SARS1: variants seen among roughly 807,000 people sequenced by gnomAD.
SARS1 encodes serine--tRNA ligase, cytoplasmic.
A neutral mutation model predicts 63.7 loss-of-function variants in SARS1; 25 were observed. That is an observed-to-expected ratio of 0.39 (90% CI 0.29 to 0.55). SARS1 has a LOEUF of 0.55. Ranked by LOEUF, SARS1 falls within the 20% of genes least tolerant of loss-of-function variation. The probability of loss-of-function intolerance (pLI) is 0.62; values close to 1 mark genes in which losing one functional copy is unlikely to be tolerated. For synonymous variants in SARS1, 231 were observed against 243.5 expected (o/e 0.95, Z 0.48); for missense variants, 417 against 649.7 (o/e 0.64, Z 3.89).
intron 4 of SARS1, among the ~76,000 whole-genome samples, chr1:109,229,844 A>G (rs904919139): frequency 4.6e-5 from 7 of 152,194 alleles, no homozygotes; most frequent in Non-Finnish European, 8.8e-5. Flanking sequence ...GGTAGCAGGC[A>G]TCTCGTGGGA....
rs1424476676 is a variant in SARS1, at chr1:109,214,668, T to C, written c.136+540T>C. ...GGCCAAAATAAATGACCCTGAAGCTTTTCGGAAGGCCATCCCCCGACCTAT... is the reference window on the plus strand; with the variant it reads ...GGCCAAAATAAATGACCCTGAAGCTCTTCGGAAGGCCATCCCCCGACCTAT... On this transcript the variant is annotated intron_variant, in intron 1 of 10. Coordinates refer to ENST00000234677, the MANE Select transcript of SARS1 (RefSeq NM_006513.4). This position sits in a 1 kb window ranked among gnomAD's most constrained non-coding sequence, Gnocchi z 4.6. 1 of 985,452 alleles carries C rather than the reference T, an allele frequency of 1.0e-6. No individual in the cohort carries two copies. Among genetic ancestry groups the C allele is most frequent in the African/African-American group, 1.7e-5 (1 of 57,230 alleles). 61.0% of individuals were successfully genotyped at this position (985,452 alleles called of 1,614,324 possible). A position where few individuals can be genotyped will look rare whatever the true frequency, so the allele number is the denominator to read the frequency against.
At chr1:109,223,085 T>G (rs1250539800) in intron 1 of SARS1, among the ~76,000 whole-genome samples, 1 of 152,220 alleles carries the variant, frequency 6.6e-6, no homozygotes, top group Non-Finnish European at 1.5e-5. Context: ...GGTCCAAATT[T>G]TGCTAATCAG....
intron 1 of SARS1, chr1:109,216,839 C>A: frequency 1.3e-6 from 1 of 753,998 alleles, no homozygotes; most frequent in Non-Finnish European, 1.6e-6. Context: ...CCTAGGCTGG[C>A]CTCAAACTCC....
At position 109,237,961 on chromosome 1, in the gene SARS1, G is replaced by A; in HGVS notation, c.*73G>A. ...ATCTCAGAGCCTGCCCAACAGCAGG[G>A]AAGCCAAGCACCCATTCATCCCCCT... On this transcript the variant is annotated 3_prime_UTR_variant, in exon 11 of 11. Coordinates refer to ENST00000234677, the MANE Select transcript of SARS1 (RefSeq NM_006513.4). The surrounding 1 kb of genome is among the most constrained non-coding windows in gnomAD (Gnocchi z 4.1). 6.5e-7 allele frequency: 1 copy of A among 1,547,698 alleles called. No individual in the cohort carries two copies. The highest frequency in any genetic ancestry group is 2.3e-5 in the East Asian group (1 of 42,758).
At chr1:109,224,263 A>C (rs899956739) in intron 2 of SARS1, among the ~76,000 whole-genome samples, 3 of 152,192 alleles carry the variant, frequency 2.0e-5, no homozygotes, top group African/African-American at 7.2e-5. Context: ...TTCTGTGTTC[A>C]GGTAAGATTC....
chr1:109,213,940 A>C lies in SARS1; in HGVS notation c.-53A>C. On this transcript the variant is annotated 5_prime_UTR_variant, in exon 1 of 11. Transcript: ENST00000234677. ...GGCGCAGTGCGGCGGTCACAGGCTG[A>C]GTGCTGCGGCGCGATCCTTGCTTCC... 6.5e-7 allele frequency: 1 copy of C among 1,547,976 alleles called. No individual in the cohort carries two copies. The highest frequency in any genetic ancestry group is 8.7e-7 in the Non-Finnish European group (1 of 1,144,022).
At chr1:109,224,566 G>A (rs1334931712) in intron 2 of SARS1, among the ~76,000 whole-genome samples, 1 of 151,646 alleles carries the variant, frequency 6.6e-6, no homozygotes. Context: ...GTTATGGATA[G>A]AACTAAATTT....
chr1:109,225,099 C>A (rs946053557), intron 2 of SARS1, among the ~76,000 whole-genome samples: 2 of 152,090 alleles, frequency 1.3e-5, no homozygotes, highest in Non-Finnish European at 2.9e-5. Flanking sequence ...TCCAGTGAAA[C>A]CCTGTCTCCA....
At chr1:109,217,296 C>A in intron 1 of SARS1, 1 of 251,342 alleles carries the variant, frequency 4.0e-6, no homozygotes, top group Non-Finnish European at 6.3e-6. Flanking sequence ...CTTAAATGTG[C>A]TCAGAACACT....
At chr1:109,219,827 C>A (rs976154913) in intron 1 of SARS1, among the ~76,000 whole-genome samples, 1 of 152,128 alleles carries the variant, frequency 6.6e-6, no homozygotes, top group Non-Finnish European at 1.5e-5. Flanking sequence ...TTCTTTCTTT[C>A]AAGATTATGT....
chr1:109,216,357 C>T, intron 1 of SARS1: 1 of 985,424 alleles, frequency 1.0e-6, no homozygotes, highest in Non-Finnish European at 1.2e-6. Context: ...CTTTGGAGAA[C>T]TCAGGAGTCC....
At chr1:109,228,322 A>AT (rs781523313) in intron 2 of SARS1, 30 bp from the exon 3 acceptor site, 2 of 1,512,980 alleles carry the variant, frequency 1.3e-6, no homozygotes, top group East Asian at 4.5e-5. Flanking sequence ...TCTTTTATTT[A>AT]TTTGTGTTGG....
rs368132874 is a variant in SARS1 at position 109,216,023 on chromosome 1, A to T, written c.136+1895A>T. The T allele has an allele frequency of 5.1e-6, 5 of 985,028 alleles. No homozygotes were observed. The African/African-American group carries it at 8.7e-5, about 17-fold the overall frequency. The allele number at this position is 985,028 out of a possible 1,614,324, so 61.0% of individuals were successfully genotyped here. Reference sequence around the variant, plus strand: ...CTGGCCAATAGTTTATTTCCAATGCATCTATTAATTTGATTCTTTTCTATT... The same window carrying T: ...CTGGCCAATAGTTTATTTCCAATGCTTCTATTAATTTGATTCTTTTCTATT... On this transcript the variant is annotated intron_variant, in intron 1 of 10. Transcript: ENST00000234677.
intron 2 of SARS1, 113 bp from the exon 3 acceptor site, chr1:109,228,239 G>C (rs939316519): frequency 3.6e-5 from 29 of 804,816 alleles, no homozygotes; most frequent in Non-Finnish European, 5.4e-5. Flanking sequence ...AAAAATTTAT[G>C]TAAGAAGTTC....
intron 1 of SARS1, among the ~76,000 whole-genome samples, chr1:109,222,346 A>G (rs1654967439): frequency 6.6e-6 from 1 of 152,110 alleles, no homozygotes; most frequent in Non-Finnish European, 1.5e-5. Flanking sequence ...GCTACAATCC[A>G]CAAACCTTAT....
chr1:109,228,312 T>C, intron 2 of SARS1, 40 bp from the exon 3 acceptor site: 6 of 1,416,308 alleles, frequency 4.2e-6, no homozygotes, highest in Non-Finnish European at 5.9e-6. Flanking sequence ...CCAGAGATTT[T>C]CTTTTATTTA....
At position 109,235,918 on chromosome 1, in the gene SARS1, C is replaced by T; in HGVS notation, c.970-59C>T. On this transcript the variant is annotated intron_variant, in intron 7 of 10. Transcript: ENST00000234677. This position sits in a 1 kb window ranked among gnomAD's most constrained non-coding sequence, Gnocchi z 4.7. ...GTCTTCATGGCAAGGATGTCTCCCACTTCAGTCCTTTATTCACCCTATACC... is the reference window on the plus strand; with the variant it reads ...GTCTTCATGGCAAGGATGTCTCCCATTTCAGTCCTTTATTCACCCTATACC... The T allele has an allele frequency of 1.3e-6, 2 of 1,495,068 alleles. No homozygotes were observed. The highest frequency in any genetic ancestry group is 2.2e-5 in the Admixed American group (1 of 45,078). The allele number at this position is 1,495,068 out of a possible 1,614,324, so 92.6% of individuals were successfully genotyped here.
rs781185165 is a variant in SARS1 at position 109,237,416 on chromosome 1, T to C, written c.1387+43T>C. 1.9e-6 allele frequency: 3 copies of C among 1,613,540 alleles called. No individual in the cohort carries two copies. The East Asian group carries it at 6.7e-5, about 36-fold the overall frequency. On this transcript the variant is annotated intron_variant, in intron 10 of 10. Transcript: ENST00000234677. The surrounding 1 kb of genome is among the most constrained non-coding windows in gnomAD (Gnocchi z 4.1). Reference sequence around the variant, plus strand: ...TCTCATCGTTCTCCTCTTTTCTGTCTTCACACTCTTCTAAATAGCAGTCCC... The same window carrying C: ...TCTCATCGTTCTCCTCTTTTCTGTCCTCACACTCTTCTAAATAGCAGTCCC...
At chr1:109,215,096 T>G (rs1654755059) in intron 1 of SARS1, 1 of 985,418 alleles carries the variant, frequency 1.0e-6, no homozygotes, top group Non-Finnish European at 1.2e-6. Context: ...ATTAGGAAAA[T>G]TGATTTTCTC....
Sources: gnomAD v4.1 joint callset for allele counts (sites outside exome capture counted in the v4.1 genomes callset) on GRCh38, gnomAD v4.1.1 for gene constraint, Gnocchi (gnomAD v3.1) non-coding constraint, MANE v1.5 for transcripts, NCBI Gene and HGNC (gene_info 2026-07-23, HGNC 2026-07-21) for gene names.